The following ESR1 variants were observed in gnomAD, a reference collection of about 807,000 sequenced individuals.
The protein encoded by ESR1 is estrogen receptor 1.
Under a neutral mutation model 52.7 loss-of-function variants are expected in ESR1, and 12 were observed. The ratio of observed to expected loss-of-function variants is 0.23; its 90% CI spans 0.15 to 0.37. The LOEUF (loss-of-function observed/expected upper bound fraction) is 0.37. Among genes scored for constraint, ESR1 ranks in the 10% least tolerant of loss-of-function variants. ESR1 has a pLI of 1.00. For missense variants in ESR1, 584 were observed against 779.7 expected, an observed-to-expected ratio of 0.75 and a Z score of 2.99; for synonymous variants, 305 against 316.8, an observed-to-expected ratio of 0.96 and a Z score of 0.39.
At chr6:151,716,583 C>T (rs971924307) in intron 2 of ESR1, among the ~76,000 whole-genome samples, 2 of 152,152 alleles carry the variant, frequency 1.3e-5, no homozygotes, top group African/African-American at 2.4e-5. Flanking sequence ...TGCTGAGCTG[C>T]GATGTGCTTC....
At chr6:152,019,604 C>A (rs2043454722) in intron 5 of ESR1, among the ~76,000 whole-genome samples, 1 of 152,152 alleles carries the variant, frequency 6.6e-6, no homozygotes. Flanking sequence ...TTTTACACAC[C>A]ACATTATGTT....
At chr6:151,848,142 G>A (rs1446470556) in intron 2 of ESR1, among the ~76,000 whole-genome samples, 2 of 101,370 alleles carry the variant, frequency 2.0e-5, no homozygotes, top group African/African-American at 3.9e-5. Context: ...GGAATACTAT[G>A]CAGCCATAAA....
At chr6:151,987,768 T>G (rs954651630) in intron 4 of ESR1, among the ~76,000 whole-genome samples, 2 of 152,152 alleles carry the variant, frequency 1.3e-5, no homozygotes, top group African/African-American at 4.8e-5. Flanking sequence ...CTTTTAAGAA[T>G]TTTTCCTTTT....
upstream of ESR1, among the ~76,000 whole-genome samples, chr6:151,687,808 CCT>C (rs1778748396): frequency 1.3e-5 from 2 of 151,940 alleles, no homozygotes. Context: ...GTGTGTTGAC[CCT>C]CTTTTTTTAA....
chr6:151,829,070 C>T (rs1361337350), intron 1 of ESR1, among the ~76,000 whole-genome samples: 3 of 152,204 alleles, frequency 2.0e-5, no homozygotes, highest in Non-Finnish European at 4.4e-5. Flanking sequence ...TTTAAGAATT[C>T]GGCCTTGCCA....
chr6:151,694,199 T>C (rs1779154280), intron 1 of ESR1, among the ~76,000 whole-genome samples: 1 of 152,198 alleles, frequency 6.6e-6, no homozygotes, highest in African/African-American at 2.4e-5. Context: ...GCTTCAAAAG[T>C]GACAGCCCTA....
At chr6:151,844,000 A>G (rs1309688204) in intron 2 of ESR1, among the ~76,000 whole-genome samples, 3 of 151,242 alleles carry the variant, frequency 2.0e-5, no homozygotes, top group African/African-American at 4.9e-5. Flanking sequence ...TCTTCGACAC[A>G]TTGCTTTTAA....
At chr6:152,022,159 T>C (rs1024849494) in intron 5 of ESR1, among the ~76,000 whole-genome samples, 1 of 152,112 alleles carries the variant, frequency 6.6e-6, no homozygotes, top group Admixed American at 6.5e-5. Context: ...CTGTGTGCAG[T>C]TGGGCCTGTG....
At chr6:151,873,803 T>G (rs2128315167) in intron 2 of ESR1, among the ~76,000 whole-genome samples, 2 of 152,352 alleles carry the variant, frequency 1.3e-5, no homozygotes, top group Middle Eastern at 3.4e-3. Context: ...GAAGTCAGAT[T>G]TTGACATCTT....
intron 2 of ESR1, among the ~76,000 whole-genome samples, chr6:151,742,600 C>T (rs749468332): frequency 3.3e-5 from 5 of 152,188 alleles, no homozygotes; most frequent in Non-Finnish European, 7.3e-5. Flanking sequence ...CTTAACCTCT[C>T]TGTGCCTTCC....
At chr6:151,996,382 G>A (rs563654949) in intron 4 of ESR1, among the ~76,000 whole-genome samples, 29 of 152,122 alleles carry the variant, frequency 1.9e-4, no homozygotes, top group African/African-American at 5.5e-4. Context: ...GTTAGTACCC[G>A]CTTGTGTGGT....
intron 1 of ESR1, among the ~76,000 whole-genome samples, chr6:151,815,547 G>A (rs1414286060): frequency 6.6e-6 from 1 of 152,190 alleles, no homozygotes; most frequent in Non-Finnish European, 1.5e-5. Context: ...AGGCCATTTA[G>A]GAAGGGATCC....
At chr6:151,769,940 A>C (rs180682870) in intron 2 of ESR1, among the ~76,000 whole-genome samples, 1 of 152,104 alleles carries the variant, frequency 6.6e-6, no homozygotes, top group Non-Finnish European at 1.5e-5. Flanking sequence ...AGGCAGGAGA[A>C]TCGCTTGAAT....
In ESR1 at chr6:151,808,215, C is replaced by T. The variant is rs1214591350; in HGVS notation, c.303C>T (p.Asn101=). 21 of 1,572,350 alleles carry T rather than the reference C, an allele frequency of 1.3e-5. No individual in the cohort carries two copies. The highest frequency in any genetic ancestry group is 1.7e-5 in the Non-Finnish European group (20 of 1,158,992). ...SNGLGGFPPL[N]SVSPSPLMLL... ...GCCTGGGGGGTTTCCCCCCACTCAA[C>T]AGCGTGTCTCCGAGCCCGCTGATGC... The change falls in exon 1 of 8, where the codon AAC becomes AAT. Residue 101 remains asparagine (N), a synonymous_variant. Coordinates refer to ENST00000206249, the MANE Select transcript of ESR1 (RefSeq NM_000125.4).
chr6:152,115,090 C>T (rs2051194889), intron 6 of ESR1, among the ~76,000 whole-genome samples: 1 of 151,268 alleles, frequency 6.6e-6, no homozygotes. Context: ...AATGTCAAGC[C>T]TTATATTTCA....
chr6:151,858,837 A>G (rs1425131792), intron 2 of ESR1, among the ~76,000 whole-genome samples: 1 of 152,182 alleles, frequency 6.6e-6, no homozygotes, highest in East Asian at 1.9e-4. Flanking sequence ...AAAGAGTAGA[A>G]ATTAAAGACT....
At chr6:151,779,058 A>T (rs989534497) in intron 2 of ESR1, among the ~76,000 whole-genome samples, 1 of 152,030 alleles carries the variant, frequency 6.6e-6, no homozygotes, top group Non-Finnish European at 1.5e-5. Context: ...GTTCACTCTG[A>T]TGATAGTTTC....
chr6:151,870,465 A>G (rs1433769312), intron 2 of ESR1, among the ~76,000 whole-genome samples: 2 of 152,148 alleles, frequency 1.3e-5, no homozygotes, highest in Admixed American at 6.5e-5. Flanking sequence ...GCTCTTGTTC[A>G]GTCATCGTCA....
At chr6:151,712,066 C>T (rs983193341) in intron 2 of ESR1, among the ~76,000 whole-genome samples, 5 of 152,002 alleles carry the variant, frequency 3.3e-5, no homozygotes, top group African/African-American at 9.7e-5. Flanking sequence ...GCATATGGCT[C>T]GCCAGTTTTC....
Sources: gnomAD v4.1 joint callset for allele counts (sites outside exome capture counted in the v4.1 genomes callset) on GRCh38, gnomAD v4.1.1 for gene constraint, MANE v1.5 for transcripts, NCBI Gene and HGNC (gene_info 2026-07-23, HGNC 2026-07-21) for gene names.